The following SAMD12 variants were observed in gnomAD, a reference collection of about 807,000 sequenced individuals.
The protein encoded by SAMD12 is sterile alpha motif domain containing 12, also known as sterile alpha motif domain-containing protein 12.
Under a neutral mutation model 15.0 loss-of-function variants are expected in SAMD12, and 9 were observed. The ratio of observed to expected loss-of-function variants is 0.60; its 90% CI spans 0.36 to 1.05. The LOEUF (loss-of-function observed/expected upper bound fraction) is 1.05. Ranked by LOEUF, SAMD12 falls within the 50% of genes least tolerant of loss-of-function variation. SAMD12 has a pLI of 0.01. For missense variants in SAMD12, 230 were observed against 234.2 expected, an observed-to-expected ratio of 0.98 and a Z score of 0.12; for synonymous variants, 86 against 90.1, an observed-to-expected ratio of 0.96 and a Z score of 0.25.
intron 3 of SAMD12, among the ~76,000 whole-genome samples, chr8:118,431,980 G>C (rs1822432154): frequency 6.6e-6 from 1 of 151,902 alleles, no homozygotes; most frequent in African/African-American, 2.4e-5. Context: ...GGTTTCTATT[G>C]ATTTACCTCC....
chr8:118,490,647 T>C (rs73708803), intron 2 of SAMD12, among the ~76,000 whole-genome samples: 1 of 152,138 alleles, frequency 6.6e-6, no homozygotes, highest in Non-Finnish European at 1.5e-5. Context: ...TTCCTTTCCA[T>C]GAAGTCCAAA....
chr8:118,414,164 T>G (rs1821566568), intron 3 of SAMD12, among the ~76,000 whole-genome samples: 1 of 152,238 alleles, frequency 6.6e-6, no homozygotes, highest in Non-Finnish European at 1.5e-5. Flanking sequence ...AATATTTATA[T>G]TCCACAGAAA....
chr8:118,384,976 G>A (rs1032964940), intron 3 of SAMD12, among the ~76,000 whole-genome samples: 2 of 152,090 alleles, frequency 1.3e-5, no homozygotes, highest in South Asian at 4.1e-4. Context: ...TCGGGCCAGG[G>A]AATATTCAGT....
the SAMD12 span, among the ~76,000 whole-genome samples, chr8:118,161,057 C>T: frequency 2.6e-5 from 4 of 151,952 alleles, no homozygotes; most frequent in African/African-American, 9.7e-5. Flanking sequence ...GGTTTTTTGT[C>T]CTTGCGATAG....
At chr8:118,358,731 G>T (rs1818347002) in intron 4 of SAMD12, among the ~76,000 whole-genome samples, 1 of 152,122 alleles carries the variant, frequency 6.6e-6, no homozygotes, top group African/African-American at 2.4e-5. Flanking sequence ...GACAGGAAGA[G>T]AGGCCAAAGC....
chr8:118,608,708 T>C (rs1828037797), intron 1 of SAMD12, among the ~76,000 whole-genome samples: 1 of 152,108 alleles, frequency 6.6e-6, no homozygotes, highest in African/African-American at 2.4e-5. Flanking sequence ...TTCGCTATGT[T>C]GGCCAGGCTG....
chr8:118,401,718 G>T (rs1273512551), intron 3 of SAMD12, among the ~76,000 whole-genome samples: 1 of 151,960 alleles, frequency 6.6e-6, no homozygotes, highest in Non-Finnish European at 1.5e-5. Context: ...AACTCATGAG[G>T]AGTTTTTAGA....
the SAMD12 span, among the ~76,000 whole-genome samples, chr8:118,146,293 C>T: frequency 6.6e-6 from 1 of 152,142 alleles, no homozygotes; most frequent in Non-Finnish European, 1.5e-5. Context: ...GCAAGACCTG[C>T]TGTATGATTT....
chr8:118,380,761 G>A (rs1819630525), intron 3 of SAMD12, among the ~76,000 whole-genome samples: 2 of 152,212 alleles, frequency 1.3e-5, no homozygotes, highest in African/African-American at 2.4e-5. Flanking sequence ...GGAGACAGGT[G>A]AATGGAGAAA....
At chr8:118,334,698 C>A (rs1037569919) in intron 4 of SAMD12, among the ~76,000 whole-genome samples, 1 of 152,086 alleles carries the variant, frequency 6.6e-6, no homozygotes, top group African/African-American at 2.4e-5. Flanking sequence ...CAGGCTCAAG[C>A]GATCCTCCCA....
intron 3 of SAMD12, among the ~76,000 whole-genome samples, chr8:118,382,493 A>T (rs1236742318): frequency 6.6e-6 from 1 of 152,222 alleles, no homozygotes; most frequent in Non-Finnish European, 1.5e-5. Context: ...ACATAGCCCT[A>T]CTAGAATGTT....
chr8:118,469,627 A>C (rs1823733424), intron 2 of SAMD12, among the ~76,000 whole-genome samples: 1 of 136,116 alleles, frequency 7.3e-6, no homozygotes. Context: ...CAGTGGCATG[A>C]TCTCAGCTCA....
chr8:118,231,420 G>C (rs549951093), intron 4 of SAMD12, among the ~76,000 whole-genome samples: 1 of 152,014 alleles, frequency 6.6e-6, no homozygotes, highest in Non-Finnish European at 1.5e-5. Flanking sequence ...TCATTCATTC[G>C]ACCCATATTC....
intron 2 of SAMD12, among the ~76,000 whole-genome samples, chr8:118,456,975 C>G (rs1310996050): frequency 6.6e-6 from 1 of 152,178 alleles, no homozygotes; most frequent in Non-Finnish European, 1.5e-5. Context: ...TACTCACAAG[C>G]AGGTAGCTTA....
At chr8:118,216,510 G>C (rs189163906) in intron 4 of SAMD12, among the ~76,000 whole-genome samples, 4 of 152,168 alleles carry the variant, frequency 2.6e-5, no homozygotes, top group South Asian at 4.1e-4. Context: ...CATTGCTTTT[G>C]GTGCAGTCAT....
chr8:118,420,920 C>T (rs2514993), intron 3 of SAMD12, among the ~76,000 whole-genome samples: 124,126 of 152,178 alleles, frequency 0.82, 50,704 homozygotes, highest in Admixed American at 0.85. Flanking sequence ...AATAAAGTTT[C>T]ATTGGAATAC....
chr8:118,174,864 T>C, the SAMD12 span, among the ~76,000 whole-genome samples: 6 of 152,124 alleles, frequency 3.9e-5, no homozygotes, highest in Non-Finnish European at 8.8e-5. Context: ...ATGTACTTCT[T>C]TGTGTACATG....
At chr8:118,237,307 G>C (rs1413023373) in intron 4 of SAMD12, among the ~76,000 whole-genome samples, 2 of 152,080 alleles carry the variant, frequency 1.3e-5, no homozygotes, top group African/African-American at 2.4e-5. Flanking sequence ...AAATTGTTGG[G>C]ATACACTAAT....
intron 2 of SAMD12, among the ~76,000 whole-genome samples, chr8:118,484,268 G>A (rs986364733): frequency 6.6e-6 from 1 of 152,162 alleles, no homozygotes; most frequent in Admixed American, 6.5e-5. Context: ...AATTACAAAT[G>A]TATTATTGAT....
Sources: allele counts gnomAD v4.1 joint callset (sites outside exome capture counted in the v4.1 genomes callset), GRCh38; gene constraint gnomAD v4.1.1; transcripts MANE v1.5; gene names NCBI Gene and HGNC (gene_info 2026-07-23, HGNC 2026-07-21).